Variants in GLDN observed in about 807,000 individuals in gnomAD.
The protein encoded by GLDN is gliomedin.
Under a neutral mutation model 56.5 loss-of-function variants are expected in GLDN, and 47 were observed. That is an observed-to-expected ratio of 0.83 (90% CI 0.66 to 1.06). GLDN has a LOEUF of 1.06. GLDN is among the 50% of genes least tolerant of loss of function. GLDN has a pLI of 0.00. For missense variants in GLDN, 782 were observed against 714.3 expected (o/e 1.09, Z -1.08); for synonymous variants, 332 against 278.8 (o/e 1.19, Z -1.90).
intron 1 of GLDN, among the ~76,000 whole-genome samples, chr15:51,363,424 C>T (rs972119071): frequency 1.3e-5 from 2 of 152,142 alleles, no homozygotes; most frequent in East Asian, 1.9e-4. Context: ...ATGAAAACAT[C>T]GGTACTTCTA....
At chr15:51,386,831 G>A (rs1389928296) in intron 4 of GLDN, among the ~76,000 whole-genome samples, 3 of 152,268 alleles carry the variant, frequency 2.0e-5, no homozygotes, top group East Asian at 3.9e-4. Flanking sequence ...TGTCATGCTC[G>A]ACTGGATGGA....
intron 1 of GLDN, among the ~76,000 whole-genome samples, chr15:51,345,210 G>A (rs887987319): frequency 4.6e-5 from 7 of 152,158 alleles, no homozygotes; most frequent in Non-Finnish European, 8.8e-5. Flanking sequence ...ATTTGCTGAT[G>A]TTCTGGTAGC....
rs112397949 is a variant in GLDN, at chr15:51,386,698, G to T, written c.541+2806G>T. Among the ~76,000 whole-genome samples, 823 of 152,338 alleles carry T rather than the reference G, an allele frequency of 5.4e-3. 3 individuals are homozygous for T. The highest frequency in any genetic ancestry group is 0.019 in the African/African-American group (798 of 41,560). The stretch of plus-strand genomic sequence containing the variant: ...ACGGCCTCCGTAGGCGGGGGACAGC[G>T]GGCGGGGGCGGAAAGACCCACAGGG... On this transcript the variant is annotated intron_variant, in intron 4 of 9. Transcript: ENST00000335449.
At chr15:51,351,117 G>T in intron 1 of GLDN, 2 of 293,912 alleles carry the variant, frequency 6.8e-6, no homozygotes, top group Non-Finnish European at 1.3e-5. Context: ...GAGATATCTT[G>T]GCCCTTTCTC....
At chr15:51,363,113 A>G (rs1263496384) in intron 1 of GLDN, among the ~76,000 whole-genome samples, 1 of 152,196 alleles carries the variant, frequency 6.6e-6, no homozygotes, top group African/African-American at 2.4e-5. Context: ...TGAGATGTTC[A>G]TTAGATGTCC....
At chr15:51,382,238 C>T (rs796842295) in intron 2 of GLDN, among the ~76,000 whole-genome samples, 11 of 152,274 alleles carry the variant, frequency 7.2e-5, no homozygotes, top group African/African-American at 2.4e-4. Flanking sequence ...TTCCCCAGTA[C>T]CCCTTGTCAG....
intron 4 of GLDN, chr15:51,384,200 G>A (rs779457475): frequency 1.5e-4 from 56 of 374,604 alleles, no homozygotes; most frequent in Non-Finnish European, 2.4e-4. Flanking sequence ...TCTGTGGGCC[G>A]TGTGACAGCT....
chr15:51,395,021 CGCCCAGAGAACT>C (rs1296190750), intron 5 of GLDN, 40 bp downstream of exon 5: 2 of 1,510,664 alleles, frequency 1.3e-6, no homozygotes, highest in Non-Finnish European at 1.8e-6. Flanking sequence ...AGGGCTTGTG[CGCCCAGAGAACT>C]GCCTGGCTTC....
At chr15:51,408,190 G>A (rs2038423985), downstream of GLDN, among the ~76,000 whole-genome samples, 1 of 152,148 alleles carries the variant, frequency 6.6e-6, no homozygotes. Flanking sequence ...TTCTCTATAA[G>A]AAAACATGAG....
chr15:51,404,474 TGGTGCAAC>T lies in GLDN; in HGVS notation c.1377_1384del (p.Val460ArgfsTer7). 6.2e-7 allele frequency: 1 copy of T among 1,614,156 alleles called. No individual in the cohort carries two copies. The highest frequency in any genetic ancestry group is 8.5e-7 in the Non-Finnish European group (1 of 1,180,032). On this transcript the variant is annotated frameshift_variant, in exon 10 of 10. Coordinates refer to ENST00000335449, the MANE Select transcript of GLDN (RefSeq NM_181789.4). LOFTEE classifies it high-confidence loss of function. ...CAACTGGATGAGAGGACATTCTCAG[TGGTGCAAC>T]ACGTCAATACCACGTACCCTAAATC...
At chr15:51,410,149 C>T (rs1341039906), downstream of GLDN, among the ~76,000 whole-genome samples, 1 of 152,206 alleles carries the variant, frequency 6.6e-6, no homozygotes, top group African/African-American at 2.4e-5. Context: ...GTCTCCTGGG[C>T]AATCTGCACA....
intron 4 of GLDN, among the ~76,000 whole-genome samples, chr15:51,389,706 G>C (rs1405633625): frequency 6.6e-6 from 1 of 152,144 alleles, no homozygotes; most frequent in Non-Finnish European, 1.5e-5. Context: ...TTTCATTTCT[G>C]TTTTTTATGA....
At chr15:51,400,168 T>A (rs1312414319) in intron 6 of GLDN, 24 bp from the exon 7 acceptor site, 6 of 1,607,568 alleles carry the variant, frequency 3.7e-6, no homozygotes, top group Non-Finnish European at 5.1e-6. Flanking sequence ...GTATCGGCTC[T>A]GATGATTATT....
chr15:51,390,719 A>G (rs1180850764), intron 4 of GLDN, among the ~76,000 whole-genome samples: 1 of 152,184 alleles, frequency 6.6e-6, no homozygotes, highest in East Asian at 1.9e-4. Flanking sequence ...ACCCCGAGAT[A>G]TCACACAACT....
intron 1 of GLDN, among the ~76,000 whole-genome samples, chr15:51,344,606 A>G (rs2036944828): frequency 6.6e-6 from 1 of 152,098 alleles, no homozygotes; most frequent in South Asian, 2.1e-4. Context: ...TGGCCCTTTT[A>G]TACACCACCA....
At chr15:51,402,563 C>T (rs2038278162) in intron 9 of GLDN, among the ~76,000 whole-genome samples, 1 of 152,216 alleles carries the variant, frequency 6.6e-6, no homozygotes, top group Admixed American at 6.5e-5. Flanking sequence ...CTAGCTCTTC[C>T]ACTATCTGAA....
chr15:51,346,611 T>C (rs1041387582), intron 1 of GLDN, among the ~76,000 whole-genome samples: 1 of 152,226 alleles, frequency 6.6e-6, no homozygotes, highest in African/African-American at 2.4e-5. Context: ...AATTTTGGAA[T>C]TGGGAAGCCT....
chr15:51,387,685 G>T (rs1308294503), intron 4 of GLDN, among the ~76,000 whole-genome samples: 1 of 152,150 alleles, frequency 6.6e-6, no homozygotes, highest in Non-Finnish European at 1.5e-5. Context: ...GGCAGGGGTG[G>T]CATAGGAGAG....
At chr15:51,395,573 CT>C (rs1286845428) in intron 5 of GLDN, among the ~76,000 whole-genome samples, 1 of 152,108 alleles carries the variant, frequency 6.6e-6, no homozygotes, top group African/African-American at 2.4e-5. Context: ...AGGAGAACCA[CT>C]TTAGGACAAA....
Sources: gnomAD v4.1 joint callset for allele counts (sites outside exome capture counted in the v4.1 genomes callset) on GRCh38, gnomAD v4.1.1 for gene constraint, MANE v1.5 for transcripts, NCBI Gene and HGNC (gene_info 2026-07-23, HGNC 2026-07-21) for gene names.